PREP: variants seen among roughly 807,000 people sequenced by gnomAD.
PREP encodes the protein prolyl endopeptidase, also known as dJ355L5.1 (prolyl endopeptidase).
Under a neutral mutation model 87.6 loss-of-function variants are expected in PREP, and 29 were observed. The observed-to-expected ratio is 0.33, with a 90% CI of 0.25 to 0.45. The LOEUF is 0.45. Among genes scored for constraint, PREP ranks in the 20% least tolerant of loss-of-function variants. The pLI is 1.00. For missense variants in PREP, 695 were observed against 886.5 expected, an observed-to-expected ratio of 0.78 and a Z score of 2.74; for synonymous variants, 337 against 328.6, an observed-to-expected ratio of 1.03 and a Z score of -0.28.
intron 1 of PREP, among the ~76,000 whole-genome samples, chr6:105,402,433 CACACACACACACACAA>C (rs556927283): frequency 1.7e-4 from 26 of 151,170 alleles, no homozygotes; most frequent in Non-Finnish European, 2.8e-4. Flanking sequence ...CACACACACA[CACACACACACACACAA>C]ACACACACAC....
chr6:105,349,279 G>C (rs1583073039), intron 7 of PREP, among the ~76,000 whole-genome samples: 1 of 152,156 alleles, frequency 6.6e-6, no homozygotes, highest in African/African-American at 2.4e-5. Context: ...TGTCCAAAGA[G>C]AGGCAGAGAA....
Position 105,333,316 on chromosome 6 carries a change from A to G in PREP, c.1013T>C (p.Leu338Ser). Residue 338 changes from leucine to serine, a missense_variant and splice_region_variant, in exon 8 of 15, where the codon TTA (leucine) becomes TCA (serine). Leu to Ser is a moderately radical substitution (Grantham distance 145). Transcript: ENST00000652536. ...VLVPEHEKDVLEWIACVRSNF... is the reference protein window; with the variant it reads ...VLVPEHEKDVSEWIACVRSNF... ...TTTCAAGTCACATGTGTTCTCACCT[A>G]AGACATCTTTCTCATGCTCAGGAAC... 1 of 1,613,420 alleles carries G rather than the reference A, an allele frequency of 6.2e-7. No individual in the cohort carries two copies. The highest frequency in any genetic ancestry group is 1.3e-5 in the African/African-American group (1 of 75,024).
At chr6:105,371,500 C>CAAAAAAAAAAA (rs528772896) in intron 5 of PREP, among the ~76,000 whole-genome samples, 2 of 44,798 alleles carry the variant, frequency 4.5e-5, no homozygotes, top group African/African-American at 1.2e-4. Context: ...GATTCCATCT[C>CAAAAAAAAAAA]AAAAAAAAAA....
intron 9 of PREP, 67 bp downstream of exon 9, chr6:105,328,762 T>C: frequency 6.6e-7 from 1 of 1,525,368 alleles, no homozygotes. Context: ...ATACTTCCAT[T>C]TCCCCAAAGA....
chr6:105,314,088 C>T (rs977492223), intron 10 of PREP, among the ~76,000 whole-genome samples: 5 of 152,210 alleles, frequency 3.3e-5, no homozygotes, highest in Admixed American at 2.6e-4. Context: ...AAGCTGTTTA[C>T]ACTAGTGTAC....
intron 1 of PREP, 93 bp downstream of exon 1, chr6:105,402,754 A>T: frequency 8.3e-7 from 1 of 1,212,112 alleles, no homozygotes. Context: ...CGGGGGTCGA[A>T]GGCCTACAGG....
At chr6:105,344,491 C>CA (rs35275950) in intron 7 of PREP, among the ~76,000 whole-genome samples, 16,748 of 103,156 alleles carry the variant, frequency 0.16, 1,220 homozygotes, top group East Asian at 0.28. Flanking sequence ...GACTCCGTCT[C>CA]AAAAAAAAAA....
chr6:105,401,076 G>A (rs1036344436), intron 1 of PREP, among the ~76,000 whole-genome samples: 2 of 152,194 alleles, frequency 1.3e-5, no homozygotes, highest in African/African-American at 2.4e-5. Flanking sequence ...AGCATGAGTT[G>A]CTTAATGAGA....
At chr6:105,320,543 G>A (rs1406721112) in intron 10 of PREP, among the ~76,000 whole-genome samples, 1 of 152,162 alleles carries the variant, frequency 6.6e-6, no homozygotes, top group Non-Finnish European at 1.5e-5. Flanking sequence ...CTTCTCCTTG[G>A]CTGGTCTATT....
chr6:105,388,575 G>A (rs900717891), intron 2 of PREP, among the ~76,000 whole-genome samples: 8 of 152,142 alleles, frequency 5.3e-5, no homozygotes, highest in Admixed American at 2.6e-4. Context: ...TATCCCATCC[G>A]GAGATCAGAA....
intron 2 of PREP, among the ~76,000 whole-genome samples, chr6:105,389,903 C>G (rs1399822513): frequency 6.6e-6 from 1 of 152,070 alleles, no homozygotes; most frequent in Non-Finnish European, 1.5e-5. Context: ...AGCAAGCAAG[C>G]AAAGAAACAA....
chr6:105,323,346 T>A (rs1194895091), intron 10 of PREP, among the ~76,000 whole-genome samples: 1 of 152,090 alleles, frequency 6.6e-6, no homozygotes, highest in Non-Finnish European at 1.5e-5. Flanking sequence ...AGACCTGAGC[T>A]AGAACACAAA....
intron 12 of PREP, among the ~76,000 whole-genome samples, chr6:105,283,014 G>A (rs114525780): frequency 4.6e-5 from 7 of 152,342 alleles, no homozygotes; most frequent in African/African-American, 1.4e-4. Flanking sequence ...GGCTGTGGGA[G>A]TGCTCGTGTC....
At chr6:105,391,251 G>A (rs1038757008) in intron 2 of PREP, among the ~76,000 whole-genome samples, 7 of 151,874 alleles carry the variant, frequency 4.6e-5, no homozygotes, top group Non-Finnish European at 1.5e-5. Context: ...GCATCGTGGT[G>A]GGCGCCTGTA....
rs1187467809 is a variant in PREP, at chr6:105,282,483, A to G, written c.1649T>C (p.Ile550Thr). 3.1e-6 allele frequency: 5 copies of G among 1,614,142 alleles called. No individual in the cohort carries two copies. The highest frequency in any genetic ancestry group is 4.2e-6 in the Non-Finnish European group (5 of 1,180,008). Residue 550 changes from isoleucine (I) to threonine (T), a missense_variant, in exon 13 of 15, where the codon ATT (isoleucine) becomes ACT (threonine). Coordinates refer to ENST00000652536, the MANE Select transcript of PREP (RefSeq NM_002726.5). ...GAGGCCTCCATTTGAACCTCCATTAATAGTCAGCCTCTTGGGAGATGTGTA... is the reference window on the plus strand; with the variant it reads ...GAGGCCTCCATTTGAACCTCCATTAGTAGTCAGCCTCTTGGGAGATGTGTA... Reference protein sequence around the residue: ...EGYTSPKRLTINGGSNGGLLV... With the variant: ...EGYTSPKRLTTNGGSNGGLLV...
intron 7 of PREP, among the ~76,000 whole-genome samples, chr6:105,348,979 G>C (rs1230798991): frequency 6.6e-6 from 1 of 152,084 alleles, no homozygotes; most frequent in Non-Finnish European, 1.5e-5. Context: ...TCTCTGGTAA[G>C]CCAGTGGAGA....
At chr6:105,323,838 A>AC (rs1771081081) in intron 9 of PREP, 70 bp from the exon 10 acceptor site, 2 of 1,297,736 alleles carry the variant, frequency 1.5e-6, no homozygotes, top group Non-Finnish European at 2.2e-6. Flanking sequence ...AGGATCACAA[A>AC]CCACAACCAA....
At position 105,376,210 on chromosome 6, in the gene PREP, T is replaced by C. The variant is rs772908091; in HGVS notation, c.300A>G (p.Leu100=). 9.9e-6 allele frequency: 16 copies of C among 1,613,692 alleles called. No individual in the cohort carries two copies. Among genetic ancestry groups the C allele is most frequent in the Middle Eastern group, 1.7e-4 (1 of 6,046 alleles). The change falls in exon 4 of 15, where the codon TTA becomes TTG. Residue 100 remains leucine, a synonymous_variant. Transcript: ENST00000652536. ...YNTGLQNQRV[L]YVQDSLEGEA... is the part of the protein sequence containing the mutation. ...CACCCTCTAAGGAATCCTGTACATA[T>C]AATACTCGCTGGTTCTGCAAACCTG...
chr6:105,375,322 C>G (rs1251289282), intron 4 of PREP, among the ~76,000 whole-genome samples: 2 of 152,172 alleles, frequency 1.3e-5, no homozygotes, highest in African/African-American at 4.8e-5. Flanking sequence ...CATAACTAAT[C>G]ATATGGTTTT....
Sources: gnomAD v4.1 joint callset for allele counts (sites outside exome capture counted in the v4.1 genomes callset) on GRCh38, gnomAD v4.1.1 for gene constraint, MANE v1.5 for transcripts, NCBI Gene and HGNC (gene_info 2026-07-23, HGNC 2026-07-21) for gene names.